The following SH3RF1 variants were observed in gnomAD, a reference collection of about 807,000 sequenced individuals.
SH3RF1 encodes SH3 domain containing ring finger 1.
SH3RF1 carries 32 observed loss-of-function variants against 74.0 expected under a neutral mutation model. That is an observed-to-expected ratio of 0.43 (90% CI 0.33 to 0.58). The LOEUF (loss-of-function observed/expected upper bound fraction) is 0.58, where lower values mean the gene tolerates loss of function less well. Ranked by LOEUF, SH3RF1 falls within the 20% of genes least tolerant of loss-of-function variation. SH3RF1 has a pLI of 0.05. For synonymous variants in SH3RF1, 396 were observed against 439.6 expected (o/e 0.90, Z 1.24); for missense variants, 954 against 1,130.9 (o/e 0.84, Z 2.24).
chr4:169,172,632 G>C (rs1288323172), intron 2 of SH3RF1, among the ~76,000 whole-genome samples: 1 of 152,124 alleles, frequency 6.6e-6, no homozygotes. Context: ...AACTATTATG[G>C]TTCACATTAG....
chr4:169,260,073 C>G (rs936082261), intron 2 of SH3RF1, among the ~76,000 whole-genome samples: 81 of 152,086 alleles, frequency 5.3e-4, no homozygotes, highest in African/African-American at 1.7e-3. Context: ...AAAAAGCAGG[C>G]ATTCTTCCCA....
chr4:169,163,351 C>T (rs1303062763), intron 2 of SH3RF1, among the ~76,000 whole-genome samples: 2 of 151,970 alleles, frequency 1.3e-5, no homozygotes, highest in East Asian at 3.9e-4. Context: ...AACTGAAATA[C>T]ATTTGTCCCA....
At position 169,134,265 on chromosome 4, in the gene SH3RF1, T is replaced by C. The variant is rs1183238211; in HGVS notation, c.1068+2053A>G. On this transcript the variant is annotated intron_variant, in intron 5 of 11. Coordinates refer to ENST00000284637, the MANE Select transcript of SH3RF1 (RefSeq NM_020870.4). ...CTTTTAATGGAACACAGAAAGAGCC[T>C]TGTTTCCTAAGCTACTTGAACCAAA... 2.6e-5 allele frequency among the ~76,000 whole-genome samples: 4 copies of C among 152,314 alleles called. 1 individual carries two copies. The East Asian group carries it at 7.7e-4, about 29-fold the overall frequency.
At chr4:169,133,710 G>T (rs1733653171) in intron 5 of SH3RF1, among the ~76,000 whole-genome samples, 1 of 152,008 alleles carries the variant, frequency 6.6e-6, no homozygotes, top group Non-Finnish European at 1.5e-5. Context: ...CCAGGAGACG[G>T]AGGTTGCAGT....
chr4:169,098,383 T>A (rs992266776), intron 11 of SH3RF1, among the ~76,000 whole-genome samples: 1 of 152,200 alleles, frequency 6.6e-6, no homozygotes, highest in African/African-American at 2.4e-5. Flanking sequence ...ACAAATTCTA[T>A]ACAACTGTCC....
chr4:169,125,291 G>A (rs1733507024), intron 6 of SH3RF1, among the ~76,000 whole-genome samples: 1 of 152,206 alleles, frequency 6.6e-6, no homozygotes, highest in African/African-American at 2.4e-5. Context: ...CAGGGAAGAA[G>A]TGTCTTCTCT....
At position 169,130,090 on chromosome 4, in the gene SH3RF1, A is replaced by G; in HGVS notation, c.1135T>C (p.Ser379Pro). The G allele has an allele frequency of 6.2e-7, 1 of 1,613,560 alleles. No homozygotes were observed. Among genetic ancestry groups the G allele is most frequent in the Non-Finnish European group, 8.5e-7 (1 of 1,179,860 alleles). Residue 379 changes from serine to proline, a missense_variant, in exon 6 of 12, where the codon TCG (serine) becomes CCG (proline). Ser to Pro is a moderately conservative substitution (Grantham distance 74). Transcript: ENST00000284637. Reference sequence around the variant, plus strand: ...GGAACATCTGATGGGAAAGTAAACGAGGGGCCAGTTGTCACTGGGCTGCTT... The same window carrying G: ...GGAACATCTGATGGGAAAGTAAACGGGGGGCCAGTTGTCACTGGGCTGCTT... Reference protein sequence around the residue: ...PPSSPVTTGPSFTFPSDVPYQ... With the variant: ...PPSSPVTTGPPFTFPSDVPYQ...
chr4:169,222,910 G>C (rs1362934763), intron 2 of SH3RF1, among the ~76,000 whole-genome samples: 2 of 152,144 alleles, frequency 1.3e-5, no homozygotes, highest in Non-Finnish European at 2.9e-5. Context: ...AAGCCAAATG[G>C]GCGGCTATAA....
intron 2 of SH3RF1, among the ~76,000 whole-genome samples, chr4:169,226,369 A>T (rs964155448): frequency 6.6e-6 from 1 of 152,172 alleles, no homozygotes; most frequent in Non-Finnish European, 1.5e-5. Context: ...TTTTCATCAC[A>T]GTTGTCGTGT....
intron 2 of SH3RF1, among the ~76,000 whole-genome samples, chr4:169,211,248 C>A (rs1284476663): frequency 6.6e-6 from 1 of 151,936 alleles, no homozygotes; most frequent in Non-Finnish European, 1.5e-5. Context: ...TTTGGGAGGC[C>A]AAGGCGGGCA....
intron 2 of SH3RF1, among the ~76,000 whole-genome samples, chr4:169,200,956 G>A (rs1734897549): frequency 6.6e-6 from 1 of 152,120 alleles, no homozygotes; most frequent in South Asian, 2.1e-4. Context: ...GAGAACAGAA[G>A]TCTTCAGTGT....
At chr4:169,177,468 A>G (rs1425842275) in intron 2 of SH3RF1, among the ~76,000 whole-genome samples, 1 of 152,242 alleles carries the variant, frequency 6.6e-6, no homozygotes, top group Non-Finnish European at 1.5e-5. Context: ...TATAAAAGTA[A>G]GCATTGAAAT....
intron 2 of SH3RF1, among the ~76,000 whole-genome samples, chr4:169,261,206 C>T (rs1731274442): frequency 1.3e-5 from 2 of 152,170 alleles, no homozygotes; most frequent in Admixed American, 1.3e-4. Flanking sequence ...AGTGTTGGAA[C>T]CAGAGGCCAC....
At chr4:169,195,622 T>C (rs1734796221) in intron 2 of SH3RF1, among the ~76,000 whole-genome samples, 1 of 152,102 alleles carries the variant, frequency 6.6e-6, no homozygotes, top group Non-Finnish European at 1.5e-5. Flanking sequence ...TATTTTCCAG[T>C]CCTTTTCTTC....
rs148083566 is a variant in SH3RF1 at position 169,120,572 on chromosome 4, A to T, written c.1517+247T>A. On this transcript the variant is annotated intron_variant, in intron 8 of 11. Coordinates refer to ENST00000284637, the MANE Select transcript of SH3RF1 (RefSeq NM_020870.4). ...GGTGTTGTTGAACCTTCTCCCATTA[A>T]AGCAAATAACTTAAAACCCAGTACA... 4.3e-3 allele frequency among the ~76,000 whole-genome samples: 657 copies of T among 152,334 alleles called. 6 individuals are homozygous for T. The highest frequency in any genetic ancestry group is 0.015 in the African/African-American group (630 of 41,574).
intron 2 of SH3RF1, among the ~76,000 whole-genome samples, chr4:169,205,984 CA>C (rs1469750205): frequency 2.0e-5 from 3 of 152,124 alleles, no homozygotes; most frequent in African/African-American, 7.2e-5. Flanking sequence ...GCTAACATCA[CA>C]AAAACAATAT....
intron 4 of SH3RF1, among the ~76,000 whole-genome samples, chr4:169,147,764 C>T (rs937603242): frequency 5.3e-5 from 8 of 152,146 alleles, no homozygotes; most frequent in Non-Finnish European, 8.8e-5. Context: ...TAAAGATGCT[C>T]CTGTTCAAGT....
chr4:169,243,935 T>A (rs948948116), intron 2 of SH3RF1, among the ~76,000 whole-genome samples: 11 of 152,336 alleles, frequency 7.2e-5, no homozygotes, highest in Middle Eastern at 3.4e-3. Flanking sequence ...CTTAAATAAC[T>A]GCAAACATGG....
intron 2 of SH3RF1, among the ~76,000 whole-genome samples, chr4:169,262,405 G>A (rs910646084): frequency 1.3e-5 from 2 of 152,104 alleles, no homozygotes; most frequent in East Asian, 1.9e-4. Flanking sequence ...CGCAGCTCAC[G>A]CCTGTAATCC....
Sources: allele counts gnomAD v4.1 joint callset (sites outside exome capture counted in the v4.1 genomes callset), GRCh38; gene constraint gnomAD v4.1.1; transcripts MANE v1.5; gene names NCBI Gene and HGNC (gene_info 2026-07-23, HGNC 2026-07-21).